Variants in NT5C3A observed in about 807,000 individuals in gnomAD.
The protein encoded by NT5C3A is 5'-nucleotidase, cytosolic IIIA.
Under a neutral mutation model 40.0 loss-of-function variants are expected in NT5C3A, and 23 were observed. The ratio of observed to expected loss-of-function variants is 0.58; its 90% CI spans 0.41 to 0.81. The LOEUF (loss-of-function observed/expected upper bound fraction) is 0.81. NT5C3A is among the 40% of genes least tolerant of loss of function. NT5C3A has a pLI of 0.00. For missense variants in NT5C3A, 328 were observed against 403.0 expected (o/e 0.81, Z 1.59); for synonymous variants, 130 against 141.4 (o/e 0.92, Z 0.57).
In NT5C3A at chr7:33,014,356, C is replaced by A. The variant is rs1272149440; in HGVS notation, c.*374G>T. On this transcript the variant is annotated 3_prime_UTR_variant, in exon 9 of 9. Transcript: ENST00000610140. Reference sequence around the variant, plus strand: ...TTACAAAAATGGCAATACTTAAAATCATGCATATTATTTCACCATTTCATA... The same window carrying A: ...TTACAAAAATGGCAATACTTAAAATAATGCATATTATTTCACCATTTCATA... 1 of 454,840 alleles carries A rather than the reference C, an allele frequency of 2.2e-6. No individual in the cohort carries two copies. The highest frequency in any genetic ancestry group is 2.0e-5 in the African/African-American group (1 of 50,050). The allele number at this position is 454,840 out of a possible 1,614,324, so 28.2% of individuals were successfully genotyped here.
intron 1 of NT5C3A, among the ~76,000 whole-genome samples, chr7:33,056,099 G>A (rs1213544353): frequency 2.0e-5 from 3 of 152,092 alleles, no homozygotes; most frequent in Non-Finnish European, 4.4e-5. Context: ...AACAGAATGA[G>A]ACCTTGTCTC....
At chr7:33,040,847 A>G in intron 1 of NT5C3A, 1 of 977,348 alleles carries the variant, frequency 1.0e-6, no homozygotes, top group Non-Finnish European at 1.2e-6. Flanking sequence ...AGAGAAACTC[A>G]TTTACATGAA....
At position 33,026,848 on chromosome 7, in the gene NT5C3A, C is replaced by A. The variant is rs751466416; in HGVS notation, c.206G>T (p.Gly69Val). 3 of 1,612,070 alleles carry A rather than the reference C, an allele frequency of 1.9e-6. No individual in the cohort carries two copies. Among genetic ancestry groups the A allele is most frequent in the South Asian group, 1.1e-5 (1 of 91,022 alleles). ...TTTGGCAGCTCCTCCTTTGATAAGA[C>A]CACAGATAATTTCTTCTACTCTTGT... Reference protein sequence around the residue: ...NPTRVEEIICGLIKGGAAKLQ... With the variant: ...NPTRVEEIICVLIKGGAAKLQ... Residue 69 changes from glycine (G) to valine (V), a missense_variant, in exon 2 of 9, where the codon GGT (glycine) becomes GTT (valine). Physicochemically the swap from Gly to Val is moderately radical, Grantham distance 109. Coordinates refer to ENST00000610140, the MANE Select transcript of NT5C3A (RefSeq NM_001002010.5).
chr7:33,051,228 A>G (rs1787356213), intron 1 of NT5C3A, among the ~76,000 whole-genome samples: 1 of 151,790 alleles, frequency 6.6e-6, no homozygotes, highest in Non-Finnish European at 1.5e-5. Flanking sequence ...CAATGGTGCA[A>G]TCTTGGCTCA....
intron 1 of NT5C3A, chr7:33,036,448 C>T (rs186740307): frequency 1.5e-3 from 255 of 173,670 alleles, no homozygotes; most frequent in Middle Eastern, 0.012. Context: ...ATATTTGACA[C>T]ATAAAGCATC....
Position 33,039,555 on chromosome 7 carries a change from G to GT in NT5C3A, c.139-12641dup, listed in dbSNP as rs776873396. Among the ~76,000 whole-genome samples the GT allele has an allele frequency of 9.4e-3, 658 of 70,018 alleles. 36 individuals carry two copies. Among genetic ancestry groups the GT allele is most frequent in the African/African-American group, 0.019 (331 of 17,062 alleles). 45.9% of individuals were successfully genotyped at this position (70,018 alleles called of 152,430 possible). On this transcript the variant is annotated intron_variant, in intron 1 of 8. Transcript: ENST00000610140. ...TACTATTTGACTTTCTTAAGCTTGG[G>GT]TTTTTTGTTTTTTTTTTTTTTTAAT...
chr7:33,037,631 C>A (rs986895248), intron 1 of NT5C3A, among the ~76,000 whole-genome samples: 1 of 152,064 alleles, frequency 6.6e-6, no homozygotes, highest in Non-Finnish European at 1.5e-5. Flanking sequence ...TCTTTTTCTC[C>A]CTCTCTCAGA....
At chr7:33,027,043 C>T in intron 1 of NT5C3A, 128 bp from the exon 2 acceptor site, 1 of 637,500 alleles carries the variant, frequency 1.6e-6, no homozygotes, top group Non-Finnish European at 2.7e-6. Flanking sequence ...AAAAGCAAGC[C>T]ACCACATCAA....
chr7:33,029,805 G>C, intron 1 of NT5C3A: 1 of 755,672 alleles, frequency 1.3e-6, no homozygotes, highest in South Asian at 1.5e-5. Context: ...GGGCTCAAGT[G>C]ATCTCCCCGC....
At chr7:33,057,810 T>A (rs1181522125) in intron 1 of NT5C3A, among the ~76,000 whole-genome samples, 1 of 152,214 alleles carries the variant, frequency 6.6e-6, no homozygotes, top group Admixed American at 6.5e-5. Flanking sequence ...AATGACCATT[T>A]TTAACTGGTT....
At chr7:33,036,368 C>A in intron 1 of NT5C3A, 3 of 279,384 alleles carry the variant, frequency 1.1e-5, no homozygotes, top group South Asian at 7.8e-5. Context: ...TCCAGTAGGG[C>A]TGCTGGTGAC....
At chr7:33,031,887 G>A (rs1247118271) in intron 1 of NT5C3A, among the ~76,000 whole-genome samples, 1 of 152,188 alleles carries the variant, frequency 6.6e-6, no homozygotes, top group Non-Finnish European at 1.5e-5. Flanking sequence ...CACTTAGGGA[G>A]GCCAAGGCCA....
rs1429296526 is a variant in NT5C3A at position 33,022,053 on chromosome 7, CT to C, written c.353del (p.Lys118SerfsTer5). ...ACTATAGATTGTTGTTAGTGTTTACCTTTTTTCTACATTCATCTGTAACCAG... is the reference window on the plus strand; with the variant it reads ...ACTATAGATTGTTGTTAGTGTTTACCTTTTTCTACATTCATCTGTAACCAG... ...CKLVTDECRK[K>X]LLQLKEKYYA... On this transcript the variant is annotated frameshift_variant and splice_region_variant, in exon 4 of 9. Coordinates refer to ENST00000610140, the MANE Select transcript of NT5C3A (RefSeq NM_001002010.5). LOFTEE classifies it high-confidence loss of function. 10 of 1,511,394 alleles carry C rather than the reference CT, an allele frequency of 6.6e-6. No individual in the cohort carries two copies. Among genetic ancestry groups the C allele is most frequent in the African/African-American group, 2.7e-5 (2 of 72,818 alleles). 93.6% of individuals were successfully genotyped at this position (1,511,394 alleles called of 1,614,324 possible). A position where few individuals can be genotyped will look rare whatever the true frequency, so the allele number is the denominator to read the frequency against.
intron 1 of NT5C3A, among the ~76,000 whole-genome samples, chr7:33,033,897 T>TAA (rs1173988823): frequency 3.8e-4 from 20 of 53,184 alleles, no homozygotes; most frequent in African/African-American, 9.6e-4. Flanking sequence ...TATATATAAT[T>TAA]TTTTTTTTTT....
rs72555738 is a variant in NT5C3A at position 33,024,004 on chromosome 7, G to A, written c.307+35C>T. ...GAGGATCTTAAAATAATGATGACAT[G>A]CTTTTGTGAATTTGTTTACAAATAT... On this transcript the variant is annotated intron_variant, in intron 3 of 8. Transcript: ENST00000610140. 2.8e-3 allele frequency: 3,343 copies of A among 1,197,802 alleles called. 60 individuals are homozygous for A. In the African/African-American group the frequency reaches 0.044, roughly 16 times the overall value. 74.2% of individuals were successfully genotyped at this position (1,197,802 alleles called of 1,614,324 possible).
intron 1 of NT5C3A, among the ~76,000 whole-genome samples, chr7:33,051,250 G>T (rs1787357462): frequency 6.6e-6 from 1 of 151,970 alleles, no homozygotes; most frequent in East Asian, 1.9e-4. Context: ...TGCAACCTCT[G>T]CTTCTGGGGT....
intron 1 of NT5C3A, among the ~76,000 whole-genome samples, chr7:33,030,573 TG>T (rs1378368849): frequency 7.9e-5 from 12 of 152,148 alleles, no homozygotes; most frequent in Non-Finnish European, 1.6e-4. Context: ...CGTAAAATGT[TG>T]GGGAGGGAGC....
rs1327652584 is a variant in NT5C3A, at chr7:33,029,924, G to A, written c.139-3009C>T. On this transcript the variant is annotated intron_variant, in intron 1 of 8. Transcript: ENST00000610140. ...AAGAGAACCAGTAGCTAAAGGCATTGGTGGCTCCTGTGCAACATACAACCA... is the reference window on the plus strand; with the variant it reads ...AAGAGAACCAGTAGCTAAAGGCATTAGTGGCTCCTGTGCAACATACAACCA... Among the ~76,000 whole-genome samples the A allele has an allele frequency of 2.0e-5, 3 of 152,164 alleles. 1 individual carries two copies. Among genetic ancestry groups the A allele is most frequent in the African/African-American group, 4.8e-5 (2 of 41,432 alleles).
intron 1 of NT5C3A, among the ~76,000 whole-genome samples, chr7:33,042,383 A>G (rs1178278860): frequency 6.6e-6 from 1 of 152,086 alleles, no homozygotes; most frequent in African/African-American, 2.4e-5. Flanking sequence ...AACTATCCAA[A>G]TTTGTATCTA....
Sources: allele counts gnomAD v4.1 joint callset (sites outside exome capture counted in the v4.1 genomes callset), GRCh38; gene constraint gnomAD v4.1.1; transcripts MANE v1.5; gene names NCBI Gene and HGNC (gene_info 2026-07-23, HGNC 2026-07-21).